The following FOCAD variants were observed in gnomAD, a reference collection of about 807,000 sequenced individuals.
FOCAD encodes the protein KIAA1797.
In FOCAD, 198 loss-of-function variants were observed where a neutral mutation model predicts 225.6. The ratio of observed to expected loss-of-function variants is 0.88; its 90% CI spans 0.78 to 0.99. The LOEUF is 0.99. Ranked by LOEUF, FOCAD falls within the 50% of genes least tolerant of loss-of-function variation. The probability of loss-of-function intolerance (pLI) is 0.00; values close to 1 mark genes in which losing one functional copy is unlikely to be tolerated. For synonymous variants in FOCAD, 897 were observed against 755.0 expected (o/e 1.19, Z -3.08); for missense variants, 2,713 against 2,123.6 (o/e 1.28, Z -5.46).
intron 11 of FOCAD, among the ~76,000 whole-genome samples, chr9:20,810,247 A>G (rs374415783): frequency 6.8e-4 from 103 of 152,228 alleles, no homozygotes; most frequent in African/African-American, 2.3e-3. Flanking sequence ...CTGCTATTTT[A>G]TTAAACCCCA....
intron 1 of FOCAD, among the ~76,000 whole-genome samples, chr9:20,709,506 TAA>T (rs33977101): frequency 0.016 from 2,109 of 127,850 alleles, 51 homozygotes; most frequent in African/African-American, 0.051. Context: ...CTCTGTCTCT[TAA>T]AAAAAAAAAA....
chr9:20,934,536 T>A (rs989698042), intron 28 of FOCAD, among the ~76,000 whole-genome samples: 1 of 152,060 alleles, frequency 6.6e-6, no homozygotes, highest in African/African-American at 2.4e-5. Flanking sequence ...TTTGATTTGT[T>A]GAAGATCCGT....
intron 9 of FOCAD, among the ~76,000 whole-genome samples, chr9:20,779,737 C>G (rs1324967836): frequency 6.7e-6 from 1 of 149,156 alleles, no homozygotes; most frequent in African/African-American, 2.5e-5. Context: ...GCAACAAGAG[C>G]GAAACTCCGT....
Position 20,659,571 on chromosome 9 carries a change from A to C in FOCAD, c.-78+745A>C, listed in dbSNP as rs1265067990. Among the ~76,000 whole-genome samples, 5 of 152,188 alleles carry C rather than the reference A, an allele frequency of 3.3e-5. No individual in the cohort carries two copies. The East Asian group carries it at 9.6e-4, about 29-fold the overall frequency. On this transcript the variant is annotated intron_variant, in intron 2 of 45. Coordinates refer to the FOCAD transcript ENST00000380249. ...ATATGGTGAGAAAGTGGTCATCTGC[A>C]TGTCAAGGAGCTAGGCCTCGGGAGA...
chr9:20,672,263 GAAGAAGT>G (rs1822086287), intron 2 of FOCAD, among the ~76,000 whole-genome samples: 1 of 152,168 alleles, frequency 6.6e-6, no homozygotes, highest in African/African-American at 2.4e-5. Flanking sequence ...ATACTCTGTA[GAAGAAGT>G]GAGAAGTATG....
At chr9:20,950,622 T>C (rs1332278394) in intron 33 of FOCAD, among the ~76,000 whole-genome samples, 6 of 152,194 alleles carry the variant, frequency 3.9e-5, no homozygotes, top group African/African-American at 1.4e-4. Context: ...TGTATCTCCT[T>C]CCATTTTTAG....
chr9:20,953,800 T>A (rs1010737257), intron 35 of FOCAD, among the ~76,000 whole-genome samples: 1 of 152,206 alleles, frequency 6.6e-6, no homozygotes, highest in African/African-American at 2.4e-5. Context: ...TATTCTTCCT[T>A]GGCTAGGTCA....
chr9:20,936,739 C>CA (rs1287373189), intron 28 of FOCAD, among the ~76,000 whole-genome samples: 3 of 152,104 alleles, frequency 2.0e-5, no homozygotes, highest in African/African-American at 7.2e-5. Context: ...CTGACCAGGG[C>CA]AATCAGGCAG....
In FOCAD at chr9:20,764,986, A is replaced by G. The variant is rs1338481291; in HGVS notation, c.612A>G (p.Gln204=). The change falls in exon 7 of 44, where the codon CAA becomes CAG. Residue 204 remains glutamine, a synonymous_variant. Transcript: ENST00000338382. ...TAGCCCTGCTGAAAGTCTTACTTCA[A>G]CCCCAGGTTCTTTGTGACAAAGATC... ...LRLALLKVLL[Q]PQVLCDKDQP... 6.2e-7 allele frequency: 1 copy of G among 1,614,106 alleles called. No individual in the cohort carries two copies. The highest frequency in any genetic ancestry group is 1.7e-5 in the Admixed American group (1 of 60,002).
In FOCAD at chr9:20,823,072, C is replaced by T. The variant is rs758123924; in HGVS notation, c.1877C>T (p.Ala626Val). Residue 626 changes from alanine (A) to valine (V), a missense_variant, in exon 15 of 44, where the codon GCA becomes GTA. Transcript: ENST00000338382. ...ACCAAGCCTGATCAAGCTACTCCAG[C>T]AGCCTTGGTATTACAGGGTCTTCAT... ...ECTKPDQATPAALVLQGLHAL... is the reference protein window; with the variant it reads ...ECTKPDQATPVALVLQGLHAL... 7 of 1,609,184 alleles carry T rather than the reference C, an allele frequency of 4.4e-6. No individual in the cohort carries two copies. Among genetic ancestry groups the T allele is most frequent in the Non-Finnish European group, 5.9e-6 (7 of 1,178,118 alleles).
intron 24 of FOCAD, among the ~76,000 whole-genome samples, chr9:20,920,199 A>C (rs1295159505): frequency 6.6e-6 from 1 of 151,864 alleles, no homozygotes; most frequent in Non-Finnish European, 1.5e-5. Context: ...GCAGCCAAAA[A>C]ACACATGAAA....
intron 11 of FOCAD, among the ~76,000 whole-genome samples, chr9:20,813,594 G>A (rs751631184): frequency 6.6e-6 from 1 of 152,176 alleles, no homozygotes; most frequent in Non-Finnish European, 1.5e-5. Context: ...GGTTGGAAAG[G>A]GTACTTAGTG....
At position 20,981,779 on chromosome 9, in the gene FOCAD, TGTGGGTGG is replaced by T. The variant is rs1314763162; in HGVS notation, c.4638+95_4638+102del. 4.3e-6 allele frequency: 6 copies of T among 1,382,348 alleles called. No homozygotes were observed. In the African/African-American group the frequency reaches 8.7e-5, roughly 20 times the overall value. 85.6% of individuals were successfully genotyped at this position (1,382,348 alleles called of 1,614,324 possible). A position where few individuals can be genotyped will look rare whatever the true frequency, so the allele number is the denominator to read the frequency against. Reference sequence around the variant, plus strand: ...AGTGGGGAGGTGTATGTTTTAAGAATGTGGGTGGGAAGGCTAGCAAGAAATAACCACAT... The same window carrying T: ...AGTGGGGAGGTGTATGTTTTAAGAATGAAGGCTAGCAAGAAATAACCACAT... On this transcript the variant is annotated intron_variant, in intron 38 of 43. Coordinates refer to ENST00000338382, the MANE Select transcript of FOCAD (RefSeq NM_001375567.1).
At chr9:20,898,004 G>T (rs1324708518) in intron 21 of FOCAD, among the ~76,000 whole-genome samples, 1 of 151,624 alleles carries the variant, frequency 6.6e-6, no homozygotes, top group African/African-American at 2.4e-5. Context: ...ATCATTTTGT[G>T]GGGTACAGAA....
chr9:20,865,087 C>A (rs935447249), intron 16 of FOCAD, among the ~76,000 whole-genome samples: 12 of 152,030 alleles, frequency 7.9e-5, no homozygotes, highest in African/African-American at 2.9e-4. Flanking sequence ...TGTTATCAGT[C>A]CCTGCCTTCT....
At chr9:20,790,628 G>A (rs1346780752) in intron 11 of FOCAD, among the ~76,000 whole-genome samples, 2 of 152,170 alleles carry the variant, frequency 1.3e-5, no homozygotes, top group South Asian at 2.1e-4. Context: ...AAAATTAGTC[G>A]GGTGCAGTGA....
chr9:20,764,961 T>A lies in FOCAD; in HGVS notation c.587T>A (p.Leu196Gln). 1.2e-6 allele frequency: 2 copies of A among 1,614,136 alleles called. No homozygotes were observed. ...SQLQEYAKLRLALLKVLLQPQ... is the reference protein window; with the variant it reads ...SQLQEYAKLRQALLKVLLQPQ... ...TTACAAGAATATGCTAAACTCCGAC[T>A]AGCCCTGCTGAAAGTCTTACTTCAA... Residue 196 changes from leucine to glutamine, a missense_variant, in exon 7 of 44, where the codon CTA becomes CAA. By Grantham distance (113) the Leu-to-Gln change is moderately radical. Transcript: ENST00000338382.
intron 7 of FOCAD, among the ~76,000 whole-genome samples, chr9:20,768,314 T>C (rs1040328216): frequency 6.6e-6 from 1 of 151,858 alleles, no homozygotes; most frequent in Non-Finnish European, 1.5e-5. Context: ...TGCGGGCTCT[T>C]TTTTGGTTCC....
rs554730450 is a variant in FOCAD, at chr9:20,689,150, T to A, written c.-33+4857T>A. Reference sequence around the variant, plus strand: ...CAAGTGTTTGTAGCTAAAAGGGAGATAATGAAAAGGATAGAAATCCTCTGG... The same window carrying A: ...CAAGTGTTTGTAGCTAAAAGGGAGAAAATGAAAAGGATAGAAATCCTCTGG... On this transcript the variant is annotated intron_variant, in intron 1 of 43. Transcript: ENST00000338382. 7.9e-5 allele frequency among the ~76,000 whole-genome samples: 12 copies of A among 152,208 alleles called. No individual in the cohort carries two copies. In the South Asian group the frequency reaches 2.5e-3, roughly 32 times the overall value.
Sources: allele counts gnomAD v4.1 joint callset (sites outside exome capture counted in the v4.1 genomes callset), GRCh38; gene constraint gnomAD v4.1.1; transcripts MANE v1.5; gene names NCBI Gene and HGNC (gene_info 2026-07-23, HGNC 2026-07-21).